Variants in SCFD2 observed in about 807,000 individuals in gnomAD.
The protein encoded by SCFD2 is sec1 family domain containing 2.
Under a neutral mutation model 58.9 loss-of-function variants are expected in SCFD2, and 54 were observed. The observed-to-expected ratio is 0.92, with a 90% CI of 0.74 to 1.15. The LOEUF is 1.15. SCFD2 is among the 50% of genes most tolerant of loss of function. The pLI, the probability that SCFD2 is intolerant of heterozygous loss-of-function variation, is 0.00. For synonymous variants in SCFD2, 321 were observed against 335.9 expected (o/e 0.96, Z 0.49); for missense variants, 805 against 836.6 (o/e 0.96, Z 0.47).
At chr4:53,096,720 T>G (rs1020910648) in intron 5 of SCFD2, among the ~76,000 whole-genome samples, 2 of 152,370 alleles carry the variant, frequency 1.3e-5, no homozygotes, top group South Asian at 2.1e-4. Context: ...TTCATTTAAT[T>G]AGATCCCATT....
intron 5 of SCFD2, among the ~76,000 whole-genome samples, chr4:53,026,269 C>T (rs17082298): frequency 0.016 from 2,481 of 152,242 alleles, 62 homozygotes; most frequent in African/African-American, 0.055. Flanking sequence ...AGTCCAAGTC[C>T]TGCATTTAGA....
chr4:53,325,894 A>G (rs1733178435), intron 2 of SCFD2, among the ~76,000 whole-genome samples: 1 of 152,168 alleles, frequency 6.6e-6, no homozygotes. Flanking sequence ...CTCTCCCCCA[A>G]AATCAAACCT....
At chr4:53,237,052 T>A (rs1027840041) in intron 4 of SCFD2, among the ~76,000 whole-genome samples, 12 of 149,412 alleles carry the variant, frequency 8.0e-5, no homozygotes, top group Non-Finnish European at 3.0e-5. Context: ...TTAACGAGCA[T>A]GCTGCCTTCA....
At chr4:52,881,027 C>T (rs142682811) in intron 8 of SCFD2, among the ~76,000 whole-genome samples, 57 of 152,372 alleles carry the variant, frequency 3.7e-4, no homozygotes, top group Admixed American at 7.8e-4. Context: ...GGAGGTTGCC[C>T]TCTTGATCCC....
At chr4:53,048,396 A>G (rs777156375) in intron 5 of SCFD2, among the ~76,000 whole-genome samples, 5 of 152,114 alleles carry the variant, frequency 3.3e-5, no homozygotes, top group Non-Finnish European at 5.9e-5. Context: ...GACATACTCT[A>G]AAACTTAGAG....
chr4:53,214,916 T>C (rs1027446711), intron 4 of SCFD2, among the ~76,000 whole-genome samples: 1 of 152,302 alleles, frequency 6.6e-6, no homozygotes, highest in East Asian at 1.9e-4. Flanking sequence ...GGGAATCCTT[T>C]CTGCATTGCT....
chr4:52,874,555 CTGGG>C (rs1178281998), intron 8 of SCFD2, among the ~76,000 whole-genome samples: 2 of 152,304 alleles, frequency 1.3e-5, no homozygotes, highest in East Asian at 3.9e-4. Context: ...GTACCACAAA[CTGGG>C]TGGCTTAAAC....
chr4:53,022,159 T>C (rs1722364545), intron 5 of SCFD2, among the ~76,000 whole-genome samples: 1 of 152,204 alleles, frequency 6.6e-6, no homozygotes, highest in African/African-American at 2.4e-5. Context: ...GAAAGGAGGC[T>C]GGACTGCAAA....
intron 5 of SCFD2, among the ~76,000 whole-genome samples, chr4:53,075,852 G>C (rs1294915233): frequency 2.0e-5 from 3 of 152,174 alleles, no homozygotes; most frequent in Non-Finnish European, 4.4e-5. Flanking sequence ...AATATTGTGA[G>C]AGTTACCAAA....
intron 5 of SCFD2, among the ~76,000 whole-genome samples, chr4:53,124,914 T>C (rs1221338509): frequency 1.3e-5 from 2 of 152,154 alleles, no homozygotes; most frequent in African/African-American, 2.4e-5. Flanking sequence ...CAATAATAAC[T>C]ATATTCTGCA....
chr4:53,054,669 T>C (rs1316755317), intron 5 of SCFD2, among the ~76,000 whole-genome samples: 2 of 152,112 alleles, frequency 1.3e-5, no homozygotes, highest in African/African-American at 4.8e-5. Flanking sequence ...GTTTTTGTTT[T>C]TGAGACAGAG....
intron 4 of SCFD2, among the ~76,000 whole-genome samples, chr4:53,207,017 A>G (rs560846631): frequency 6.6e-6 from 1 of 152,156 alleles, no homozygotes; most frequent in Admixed American, 6.5e-5. Flanking sequence ...TCCTTGCTGC[A>G]TCATAACATG....
chr4:52,998,368 T>C (rs1303371115), intron 5 of SCFD2, among the ~76,000 whole-genome samples: 1 of 152,228 alleles, frequency 6.6e-6, no homozygotes, highest in Non-Finnish European at 1.5e-5. Flanking sequence ...GCAAGGCTGG[T>C]TTTACTTCAA....
intron 4 of SCFD2, among the ~76,000 whole-genome samples, chr4:53,158,013 A>T (rs74948858): frequency 0.088 from 13,339 of 152,162 alleles, 933 homozygotes; most frequent in Middle Eastern, 0.19. Context: ...CTTCTAAAAA[A>T]CTTCCAGGTT....
chr4:53,181,404 C>T (rs1224497781), intron 4 of SCFD2, among the ~76,000 whole-genome samples: 1 of 152,112 alleles, frequency 6.6e-6, no homozygotes, highest in African/African-American at 2.4e-5. Context: ...AAGACAAAAA[C>T]CACATGATTA....
At chr4:53,312,623 C>T (rs1732725194) in intron 3 of SCFD2, among the ~76,000 whole-genome samples, 1 of 152,134 alleles carries the variant, frequency 6.6e-6, no homozygotes, top group South Asian at 2.1e-4. Flanking sequence ...CATGTTATAA[C>T]CCTGTAACAT....
At chr4:53,027,966 G>A (rs1416169472) in intron 5 of SCFD2, among the ~76,000 whole-genome samples, 1 of 152,044 alleles carries the variant, frequency 6.6e-6, no homozygotes, top group Non-Finnish European at 1.5e-5. Flanking sequence ...AATATATGTG[G>A]GCGGGCATGG....
chr4:52,975,241 G>A, intron 5 of SCFD2, among the ~76,000 whole-genome samples: 2 of 152,128 alleles, frequency 1.3e-5, no homozygotes. Context: ...GCAACCTACA[G>A]AATGGGAGAA....
chr4:53,330,389 C>T (rs147922485), intron 2 of SCFD2, among the ~76,000 whole-genome samples: 5 of 152,054 alleles, frequency 3.3e-5, no homozygotes, highest in East Asian at 1.9e-4. Flanking sequence ...AGACTAACAG[C>T]GTATCTCTCA....
Sources: allele counts gnomAD v4.1 joint callset (sites outside exome capture counted in the v4.1 genomes callset), GRCh38; gene constraint gnomAD v4.1.1; transcripts MANE v1.5; gene names NCBI Gene and HGNC (gene_info 2026-07-23, HGNC 2026-07-21).